Variants in TGFBRAP1 observed in about 807,000 individuals in gnomAD.
The protein encoded by TGFBRAP1 is transforming growth factor beta receptor associated protein 1.
TGFBRAP1 carries 20 observed loss-of-function variants against 83.2 expected under a neutral mutation model. The ratio of observed to expected loss-of-function variants is 0.24; its 90% CI spans 0.17 to 0.35. TGFBRAP1 has a LOEUF of 0.35. Ranked by LOEUF, TGFBRAP1 falls within the 10% of genes least tolerant of loss-of-function variation. The probability of loss-of-function intolerance (pLI) is 1.00; values close to 1 mark genes in which losing one functional copy is unlikely to be tolerated. For synonymous variants in TGFBRAP1, 415 were observed against 459.8 expected (o/e 0.90, Z 1.25); for missense variants, 950 against 1,099.4 (o/e 0.86, Z 1.92).
At chr2:105,280,753 CAA>C in intron 5 of TGFBRAP1, 30 bp from the exon 6 acceptor site, 1 of 1,580,896 alleles carries the variant, frequency 6.3e-7, no homozygotes, top group East Asian at 2.3e-5. Context: ...CTAAATGAAG[CAA>C]AAAGAGAGAA....
intron 4 of TGFBRAP1, among the ~76,000 whole-genome samples, chr2:105,288,264 G>A (rs570227362): frequency 1.3e-5 from 2 of 152,250 alleles, no homozygotes; most frequent in South Asian, 4.2e-4. Flanking sequence ...CAGGCACACG[G>A]GGACGACACA....
intron 4 of TGFBRAP1, among the ~76,000 whole-genome samples, chr2:105,294,706 A>C (rs985216517): frequency 6.6e-6 from 1 of 152,210 alleles, no homozygotes; most frequent in African/African-American, 2.4e-5. Flanking sequence ...CTGAGATACC[A>C]GATTGGAGAA....
Position 105,277,615 on chromosome 2 carries a change from T to A in TGFBRAP1, c.1520A>T (p.Gln507Leu), listed in dbSNP as rs1677393296. ...HYNNQDAAAV[Q>L]LWVNIVNGDV... ...ATGTGGAAACCCTTCTAGACTCACC[T>A]GAACTGCAGCAGCATCTTGGTTATT... is the stretch of plus-strand genomic sequence containing the variant. The change falls in exon 7 of 12, where the codon CAG becomes CTG. Residue 507 changes from glutamine (Q) to leucine (L), a missense_variant and splice_region_variant. Coordinates refer to ENST00000393359, the MANE Select transcript of TGFBRAP1 (RefSeq NM_004257.6). The A allele has an allele frequency of 6.2e-7, 1 of 1,614,044 alleles. No homozygotes were observed. The highest frequency in any genetic ancestry group is 1.7e-5 in the Admixed American group (1 of 60,010).
chr2:105,290,949 T>C (rs1230310479), intron 4 of TGFBRAP1, among the ~76,000 whole-genome samples: 1 of 151,930 alleles, frequency 6.6e-6, no homozygotes, highest in Non-Finnish European at 1.5e-5. Context: ...GAGGTTGCAG[T>C]GATTGCGAGA....
At chr2:105,316,462 T>TGTGTGTGTGTGTGTGTGC (rs1177329674) in intron 1 of TGFBRAP1, among the ~76,000 whole-genome samples, 11 of 84,814 alleles carry the variant, frequency 1.3e-4, no homozygotes, top group African/African-American at 2.7e-4. Context: ...TGTGTGTGTG[T>TGTGTGTGTGTGTGTGTGC]GCGCGCGCGC....
chr2:105,275,831 T>C, intron 7 of TGFBRAP1, 128 bp from the exon 8 acceptor site: 1 of 910,862 alleles, frequency 1.1e-6, no homozygotes, highest in African/African-American at 1.7e-5. Context: ...TTTAAAGTAG[T>C]TGGAAAAACT....
At chr2:105,258,574 A>C in the TGFBRAP1 span, among the ~76,000 whole-genome samples, 1 of 151,576 alleles carries the variant, frequency 6.6e-6, no homozygotes, top group Non-Finnish European at 1.5e-5. Flanking sequence ...CCTGGTTCTC[A>C]GGCCTTCAGA....
At chr2:105,289,661 C>A (rs11885188) in intron 4 of TGFBRAP1, among the ~76,000 whole-genome samples, 44,484 of 152,138 alleles carry the variant, frequency 0.29, 7,048 homozygotes, top group African/African-American at 0.4. Flanking sequence ...CACAGCGCTG[C>A]AGCACCCCTC....
At chr2:105,312,572 G>C (rs1398679283) in intron 1 of TGFBRAP1, among the ~76,000 whole-genome samples, 1 of 152,060 alleles carries the variant, frequency 6.6e-6, no homozygotes, top group Non-Finnish European at 1.5e-5. Context: ...AAGGAAATAG[G>C]ACTAGAAAAA....
chr2:105,311,421 A>T (rs1233116848), intron 1 of TGFBRAP1, among the ~76,000 whole-genome samples: 1 of 152,096 alleles, frequency 6.6e-6, no homozygotes, highest in African/African-American at 2.4e-5. Context: ...GTCTCTACAA[A>T]AAAAATATAA....
intron 3 of TGFBRAP1, among the ~76,000 whole-genome samples, chr2:105,297,364 A>C (rs1678122617): frequency 6.6e-6 from 1 of 151,948 alleles, no homozygotes; most frequent in South Asian, 2.1e-4. Context: ...CTGTTACATC[A>C]TCCTTCTCTG....
At chr2:105,275,465 G>A in intron 8 of TGFBRAP1, 95 bp downstream of exon 8, 1 of 1,516,460 alleles carries the variant, frequency 6.6e-7, no homozygotes, top group South Asian at 1.3e-5. Context: ...AGGTTGAAAT[G>A]TAGCTTTCTT....
intron 2 of TGFBRAP1, among the ~76,000 whole-genome samples, chr2:105,299,005 G>A (rs573795341): frequency 1.3e-5 from 2 of 152,274 alleles, no homozygotes; most frequent in African/African-American, 2.4e-5. Context: ...TAGGCCGGAC[G>A]TGGTGGCTCA....
intron 2 of TGFBRAP1, among the ~76,000 whole-genome samples, chr2:105,301,612 A>T (rs1426226853): frequency 6.6e-6 from 1 of 152,230 alleles, no homozygotes; most frequent in Non-Finnish European, 1.5e-5. Flanking sequence ...CCACACAGGT[A>T]CTAGAAGAAA....
intron 2 of TGFBRAP1, among the ~76,000 whole-genome samples, chr2:105,302,143 GA>G (rs1678321256): frequency 6.6e-6 from 1 of 151,976 alleles, no homozygotes; most frequent in African/African-American, 2.4e-5. Context: ...AAACTACACT[GA>G]AAAACCATTT....
At position 105,269,250 on chromosome 2, in the gene TGFBRAP1, G is replaced by C; in HGVS notation, c.2406+22C>G. ...TACAATGTTGACTGACCAGGAAGCAGCTCGTGGGGGCCAGCACTTACCTTA... is the reference window on the plus strand; with the variant it reads ...TACAATGTTGACTGACCAGGAAGCACCTCGTGGGGGCCAGCACTTACCTTA... On this transcript the variant is annotated intron_variant, in intron 11 of 11. Transcript: ENST00000393359. The surrounding 1 kb of genome is among the most constrained non-coding windows in gnomAD (Gnocchi z 4.1). 6.4e-7 allele frequency: 1 copy of C among 1,561,392 alleles called. No homozygotes were observed. The highest frequency in any genetic ancestry group is 2.3e-5 in the East Asian group (1 of 43,868).
intron 1 of TGFBRAP1, among the ~76,000 whole-genome samples, chr2:105,324,567 G>A (rs1325113978): frequency 3.9e-5 from 6 of 152,122 alleles, no homozygotes; most frequent in East Asian, 3.8e-4. Flanking sequence ...AAGTGTCCTC[G>A]CTTAAAATTA....
At position 105,298,611 on chromosome 2, in the gene TGFBRAP1, T is replaced by A. The variant is rs758623878; in HGVS notation, c.783A>T (p.Ile261=). The A allele has an allele frequency of 1.5e-4, 244 of 1,613,996 alleles. No homozygotes were observed. The highest frequency in any genetic ancestry group is 1.9e-4 in the Non-Finnish European group (227 of 1,180,014). The change falls in exon 3 of 12, where the codon ATA becomes ATT. Residue 261 remains isoleucine (I), a synonymous_variant. Transcript: ENST00000393359. The stretch of plus-strand genomic sequence containing the variant: ...CTGTGATGAATTCGTCATCGAGCGC[T>A]ATGACGTATGGAAAGGACACAGCCG... ...IGAAVSFPYV[I]ALDDEFITVH...
intron 2 of TGFBRAP1, among the ~76,000 whole-genome samples, chr2:105,299,077 T>C (rs1000154257): frequency 6.6e-6 from 1 of 152,004 alleles, no homozygotes; most frequent in East Asian, 1.9e-4. Flanking sequence ...GCTCAGGAGT[T>C]CAAGACTAGC....
Sources: gnomAD v4.1 joint callset for allele counts (sites outside exome capture counted in the v4.1 genomes callset) on GRCh38, gnomAD v4.1.1 for gene constraint, Gnocchi (gnomAD v3.1) non-coding constraint, MANE v1.5 for transcripts, NCBI Gene and HGNC (gene_info 2026-07-23, HGNC 2026-07-21) for gene names.